Variants in PRDM5 observed in about 807,000 individuals in gnomAD.
PRDM5 encodes PR domain zinc finger protein 5.
Under a neutral mutation model 81.2 loss-of-function variants are expected in PRDM5, and 56 were observed. That is an observed-to-expected ratio of 0.69 (90% CI 0.56 to 0.86). PRDM5 has a LOEUF of 0.86. PRDM5 is among the 40% of genes least tolerant of loss of function. The probability of loss-of-function intolerance (pLI) is 0.00; values close to 1 mark genes in which losing one functional copy is unlikely to be tolerated. For missense variants in PRDM5, 697 were observed against 770.1 expected (o/e 0.91, Z 1.12); for synonymous variants, 267 against 256.4 (o/e 1.04, Z -0.39).
chr4:120,886,153 T>C (rs1014952657), intron 2 of PRDM5, among the ~76,000 whole-genome samples: 2 of 150,862 alleles, frequency 1.3e-5, no homozygotes, highest in Non-Finnish European at 1.5e-5. Flanking sequence ...TCTATAAGGC[T>C]TCATAGGTGG....
intron 13 of PRDM5, among the ~76,000 whole-genome samples, chr4:120,774,267 A>G (rs980544541): frequency 6.6e-6 from 1 of 152,152 alleles, no homozygotes; most frequent in African/African-American, 2.4e-5. Flanking sequence ...GTCCTCCCTA[A>G]ATAATGTACA....
intron 8 of PRDM5, among the ~76,000 whole-genome samples, chr4:120,806,288 G>C (rs987095982): frequency 1.3e-5 from 2 of 152,126 alleles, no homozygotes; most frequent in African/African-American, 4.8e-5. Flanking sequence ...GTAATTTCTA[G>C]ATTCAATGCC....
At chr4:120,906,209 A>G (rs56224440) in intron 2 of PRDM5, among the ~76,000 whole-genome samples, 1,828 of 152,122 alleles carry the variant, frequency 0.012, 33 homozygotes, top group African/African-American at 0.042. Context: ...GGCCTCAAGC[A>G]ATCCTCCTGC....
intron 15 of PRDM5, among the ~76,000 whole-genome samples, chr4:120,699,483 C>T (rs1735045460): frequency 6.6e-6 from 1 of 151,944 alleles, no homozygotes; most frequent in African/African-American, 2.4e-5. Flanking sequence ...CTAACAGTGC[C>T]CTGAAAGCAA....
chr4:120,826,759 A>G (rs577054017), intron 3 of PRDM5, among the ~76,000 whole-genome samples: 58 of 152,214 alleles, frequency 3.8e-4, no homozygotes, highest in African/African-American at 1.3e-3. Context: ...GAGGCAGTGG[A>G]AAGTAATCAT....
intron 15 of PRDM5, among the ~76,000 whole-genome samples, chr4:120,699,480 T>G (rs1290464439): frequency 6.6e-6 from 1 of 152,050 alleles, no homozygotes; most frequent in Non-Finnish European, 1.5e-5. Flanking sequence ...ATCCTAACAG[T>G]GCCCTGAAAG....
At chr4:120,751,383 T>C (rs1195279540) in intron 14 of PRDM5, among the ~76,000 whole-genome samples, 5 of 148,110 alleles carry the variant, frequency 3.4e-5, no homozygotes, top group Non-Finnish European at 6.0e-5. Context: ...TTTTTAAAAA[T>C]GCAAATGAAA....
chr4:120,707,265 A>G (rs1238734115), intron 15 of PRDM5, among the ~76,000 whole-genome samples: 1 of 152,072 alleles, frequency 6.6e-6, no homozygotes, highest in Non-Finnish European at 1.5e-5. Context: ...GGACTGCAAC[A>G]GTGGTTCGAA....
chr4:120,888,506 C>A (rs1282599360), intron 2 of PRDM5, among the ~76,000 whole-genome samples: 1 of 152,118 alleles, frequency 6.6e-6, no homozygotes, highest in African/African-American at 2.4e-5. Flanking sequence ...ATGTATTTGT[C>A]CATTTACTAG....
At chr4:120,811,016 C>T (rs112529621) in intron 8 of PRDM5, among the ~76,000 whole-genome samples, 7 of 152,148 alleles carry the variant, frequency 4.6e-5, no homozygotes, top group African/African-American at 1.4e-4. Context: ...TTTATTTTCA[C>T]GAATACCATC....
intron 5 of PRDM5, 91 bp downstream of exon 5, chr4:120,818,262 A>G: frequency 1.4e-6 from 2 of 1,410,696 alleles, no homozygotes; most frequent in Non-Finnish European, 2.0e-6. Flanking sequence ...GCGTGCACAC[A>G]CACACACACA....
chr4:120,790,487 T>C (rs1227816470), intron 10 of PRDM5, among the ~76,000 whole-genome samples: 2 of 152,208 alleles, frequency 1.3e-5, no homozygotes, highest in Non-Finnish European at 1.5e-5. Context: ...CTAGCTCCTC[T>C]AGTAGATAAC....
chr4:120,701,069 G>A (rs1222046870), intron 15 of PRDM5, among the ~76,000 whole-genome samples: 1 of 151,916 alleles, frequency 6.6e-6, no homozygotes, highest in Non-Finnish European at 1.5e-5. Flanking sequence ...AGGTTGCAGT[G>A]AGCCAAGATT....
intron 2 of PRDM5, among the ~76,000 whole-genome samples, chr4:120,906,409 C>A (rs772353683): frequency 3.3e-5 from 5 of 152,154 alleles, no homozygotes; most frequent in African/African-American, 7.2e-5. Flanking sequence ...GTAGGCTATA[C>A]CATCTAGGCT....
chr4:120,908,434 C>A (rs550067123), intron 1 of PRDM5, among the ~76,000 whole-genome samples: 6 of 152,206 alleles, frequency 3.9e-5, no homozygotes, highest in African/African-American at 1.2e-4. Flanking sequence ...AAGAAAAAAA[C>A]CAACAAAATC....
chr4:120,922,099 G>A (rs768623429), intron 1 of PRDM5, among the ~76,000 whole-genome samples: 7 of 152,234 alleles, frequency 4.6e-5, no homozygotes, highest in Non-Finnish European at 7.3e-5. Context: ...GGCGACAGCG[G>A]AGCAGCGTGC....
At chr4:120,856,538 G>A (rs767761278) in intron 2 of PRDM5, among the ~76,000 whole-genome samples, 46 of 152,232 alleles carry the variant, frequency 3.0e-4, no homozygotes, top group Admixed American at 3.9e-4. Context: ...AAAGCTGGTA[G>A]ATTACCTGTG....
At chr4:120,845,376 G>A (rs1014166204) in intron 3 of PRDM5, among the ~76,000 whole-genome samples, 3 of 152,136 alleles carry the variant, frequency 2.0e-5, no homozygotes, top group African/African-American at 7.2e-5. Context: ...TAATGCTGCA[G>A]GTGACTTTAC....
chr4:120,723,621 G>T (rs774674932), intron 14 of PRDM5, among the ~76,000 whole-genome samples: 3 of 151,908 alleles, frequency 2.0e-5, no homozygotes, highest in Non-Finnish European at 4.4e-5. Context: ...ACAAATGAAA[G>T]AGAAAGAAAT....
Sources: allele counts gnomAD v4.1 joint callset (sites outside exome capture counted in the v4.1 genomes callset), GRCh38; gene constraint gnomAD v4.1.1; transcripts MANE v1.5; gene names NCBI Gene and HGNC (gene_info 2026-07-23, HGNC 2026-07-21).